NEXMIF: variants seen among roughly 807,000 people sequenced by gnomAD.
NEXMIF encodes the protein neurite extension and migration factor, also known as XLMR protein related to neurite extension.
Under a neutral mutation model 62.1 loss-of-function variants are expected in NEXMIF, and 8 were observed. The observed-to-expected ratio is 0.13, with a 90% CI of 0.08 to 0.23. The LOEUF (loss-of-function observed/expected upper bound fraction) is 0.23. NEXMIF is among the 10% of genes least tolerant of loss of function. The pLI, the probability that NEXMIF is intolerant of heterozygous loss-of-function variation, is 1.00. For synonymous variants in NEXMIF, 404 were observed against 416.6 expected (o/e 0.97, Z 0.37); for missense variants, 976 against 1,113.3 (o/e 0.88, Z 1.75).
chrX:74,832,757 A>C, intron 1 of NEXMIF, among the ~76,000 whole-genome samples: 1 of 111,346 alleles, frequency 9.0e-6, no homozygotes, highest in East Asian at 2.8e-4. Flanking sequence ...ACTTATAGCT[A>C]TAAGCTTCCC....
intron 1 of NEXMIF, among the ~76,000 whole-genome samples, chrX:74,869,127 T>G (rs1308068505): frequency 1.8e-5 from 2 of 111,772 alleles, no homozygotes. Context: ...GATCATTTAT[T>G]ATAACTGAGA....
chrX:74,837,416 A>T (rs1176969175), intron 1 of NEXMIF, among the ~76,000 whole-genome samples: 1 of 111,627 alleles, frequency 9.0e-6, no homozygotes, highest in African/African-American at 3.3e-5. Context: ...AAACATAAGG[A>T]CTGTCTTTCT....
chrX:74,766,999 G>A lies in NEXMIF; in HGVS notation c.-47-21302C>T, dbSNP rs577628202. On this transcript the variant is annotated intron_variant, in intron 1 of 3. Transcript: ENST00000055682. ...CATGGAGAACAGACTTTTCCATGAG[G>A]TGGGTTCTCTGTGCTAGGGGTCCAG... Among the ~76,000 whole-genome samples, 88 of 112,284 alleles carry A rather than the reference G, an allele frequency of 7.8e-4. No individual in the cohort carries two copies. The South Asian group carries it at 0.032, about 40-fold the overall frequency.
rs945590855 is a variant in NEXMIF, at chrX:74,847,636, A to T, written c.-48+77247T>A. 5.2e-4 allele frequency among the ~76,000 whole-genome samples: 58 copies of T among 111,789 alleles called. No homozygotes were observed. The Admixed American group carries it at 5.2e-3, about 10-fold the overall frequency. On this transcript the variant is annotated intron_variant, in intron 1 of 3. Coordinates refer to ENST00000055682, the MANE Select transcript of NEXMIF (RefSeq NM_001008537.3). ...TTCATATGTAACTACTGATTTTTTAAAGCAAATATTTATTACTTTGTAATC... is the reference window on the plus strand; with the variant it reads ...TTCATATGTAACTACTGATTTTTTATAGCAAATATTTATTACTTTGTAATC...
rs905938488 is a variant in NEXMIF at position 74,888,630 on chromosome X, G to A, written c.-48+36253C>T. 2.7e-5 allele frequency among the ~76,000 whole-genome samples: 3 copies of A among 110,610 alleles called. No individual in the cohort carries two copies. The South Asian group carries it at 1.2e-3, about 43-fold the overall frequency. On this transcript the variant is annotated intron_variant, in intron 1 of 3. Coordinates refer to ENST00000055682, the MANE Select transcript of NEXMIF (RefSeq NM_001008537.3). Reference sequence around the variant, plus strand: ...TGGGTGCAGCAAACCATCATGGCACGTGTATACCTATGTAACAAACCTGCA... The same window carrying A: ...TGGGTGCAGCAAACCATCATGGCACATGTATACCTATGTAACAAACCTGCA...
At position 74,740,283 on chromosome X, in the gene NEXMIF, G is replaced by T. The variant is rs1311150025; in HGVS notation, c.4274C>A (p.Thr1425Asn). 2.5e-6 allele frequency: 3 copies of T among 1,211,133 alleles called. No homozygotes were observed. In the Admixed American group the frequency reaches 6.5e-5, roughly 26 times the overall value. ...GTTACTATACTTTTTATCAAAGAAG[G>T]TAGAGCGAGAGTCCTCGTTATAACC... is the stretch of plus-strand genomic sequence containing the variant. ...MPGYNEDSRS[T>N]FFDKKYSNMS... The change falls in exon 3 of 4, where the codon ACC (threonine) becomes AAC (asparagine). Residue 1425 changes from threonine to asparagine, a missense_variant. Thr to Asn is a moderately conservative substitution (Grantham distance 65, BLOSUM62 0). Transcript: ENST00000055682.
chrX:74,831,736 A>C (rs1356930514), intron 1 of NEXMIF, among the ~76,000 whole-genome samples: 1 of 111,945 alleles, frequency 8.9e-6, no homozygotes, highest in Non-Finnish European at 1.9e-5. Flanking sequence ...CATTCATTAT[A>C]ATACTAGCTG....
In NEXMIF at chrX:74,735,234, C is replaced by G. The variant is rs1325012930; in HGVS notation, c.*4171G>C. 1 of 111,562 alleles carries G rather than the reference C, an allele frequency of 9.0e-6. No homozygotes were observed. Among genetic ancestry groups the G allele is most frequent in the Non-Finnish European group, 1.9e-5 (1 of 53,092 alleles). 9.2% of individuals were successfully genotyped at this position (111,562 alleles called of 1,213,427 possible). A position where few individuals can be genotyped will look rare whatever the true frequency, so the allele number is the denominator to read the frequency against. On this transcript the variant is annotated 3_prime_UTR_variant, in exon 4 of 4. Coordinates refer to ENST00000055682, the MANE Select transcript of NEXMIF (RefSeq NM_001008537.3). ...ATAATAAAGGAGAAAATAAACATTT[C>G]TATTTCTAGCAATAGTTAGGACTAG...
intron 1 of NEXMIF, among the ~76,000 whole-genome samples, chrX:74,790,727 T>C (rs1420634995): frequency 7.0e-5 from 8 of 113,615 alleles, no homozygotes; most frequent in African/African-American, 2.5e-4. Flanking sequence ...TATTTTATTC[T>C]CTTTGAAGCA....
chrX:74,897,759 T>C (rs759916801), intron 1 of NEXMIF, among the ~76,000 whole-genome samples: 64 of 111,308 alleles, frequency 5.7e-4, no homozygotes, highest in Non-Finnish European at 1.1e-3. Flanking sequence ...AAGTTTTTCA[T>C]GGCAGAAGGC....
At chrX:74,796,154 CATATATATT>C (rs1187970512) in intron 1 of NEXMIF, among the ~76,000 whole-genome samples, 3 of 43,839 alleles carry the variant, frequency 6.8e-5, no homozygotes, top group Non-Finnish European at 9.0e-5. Flanking sequence ...TATATATATA[CATATATATT>C]ATATATATTA....
chrX:74,854,146 T>A (rs1275660623), intron 1 of NEXMIF, among the ~76,000 whole-genome samples: 1 of 111,498 alleles, frequency 9.0e-6, no homozygotes, highest in Non-Finnish European at 1.9e-5. Context: ...CAGGCCAATA[T>A]CCCTGATGAA....
In NEXMIF at chrX:74,925,287, T is replaced by G. The variant is rs1482608753; in HGVS notation, c.-452A>C. 8.1e-6 allele frequency: 1 copy of G among 122,869 alleles called. No individual in the cohort carries two copies. Among genetic ancestry groups the G allele is most frequent in the Non-Finnish European group, 1.7e-5 (1 of 59,547 alleles). The allele number at this position is 122,869 out of a possible 1,213,427, so 10.1% of individuals were successfully genotyped here. A position where few individuals can be genotyped will look rare whatever the true frequency, so the allele number is the denominator to read the frequency against. Reference sequence around the variant, plus strand: ...CGCTCGGCGCCTGGAGCCCGCTCTGTGCGGTGGCTGCGGCCGTCCGCGAGA... The same window carrying G: ...CGCTCGGCGCCTGGAGCCCGCTCTGGGCGGTGGCTGCGGCCGTCCGCGAGA... On this transcript the variant is annotated 5_prime_UTR_variant, in exon 1 of 4. Coordinates refer to ENST00000055682, the MANE Select transcript of NEXMIF (RefSeq NM_001008537.3).
intron 1 of NEXMIF, among the ~76,000 whole-genome samples, chrX:74,796,206 A>AT (rs2080308781): frequency 1.5e-5 from 1 of 65,412 alleles, no homozygotes; most frequent in South Asian, 6.0e-4. Flanking sequence ...ATATACATAT[A>AT]TATTATATAT....
At chrX:74,888,520 C>T (rs1235676016) in intron 1 of NEXMIF, among the ~76,000 whole-genome samples, 1 of 109,024 alleles carries the variant, frequency 9.2e-6, no homozygotes, top group African/African-American at 3.3e-5. Flanking sequence ...GGGAGGGGAA[C>T]ATCACACACC....
At chrX:74,793,620 A>G (rs1282580770) in intron 1 of NEXMIF, among the ~76,000 whole-genome samples, 1 of 109,528 alleles carries the variant, frequency 9.1e-6, no homozygotes, top group East Asian at 2.9e-4. Flanking sequence ...CACCAATCAG[A>G]CGTAGATTTG....
At chrX:74,868,001 A>G (rs961867339) in intron 1 of NEXMIF, among the ~76,000 whole-genome samples, 9 of 112,238 alleles carry the variant, frequency 8.0e-5, no homozygotes, top group Admixed American at 6.6e-4. Context: ...GAAGACACTC[A>G]CATGGCCAAG....
intron 1 of NEXMIF, among the ~76,000 whole-genome samples, chrX:74,876,406 T>A (rs2080633712): frequency 9.0e-6 from 1 of 111,702 alleles, no homozygotes; most frequent in African/African-American, 3.3e-5. Flanking sequence ...CTGCTTTGCT[T>A]CCAAGTATAT....
At chrX:74,854,094 T>C (rs955007684) in intron 1 of NEXMIF, among the ~76,000 whole-genome samples, 1 of 111,836 alleles carries the variant, frequency 8.9e-6, no homozygotes, top group African/African-American at 3.3e-5. Flanking sequence ...ACCATTGCCC[T>C]AATACCAAAA....
Sources: allele counts gnomAD v4.1 joint callset (sites outside exome capture counted in the v4.1 genomes callset), GRCh38; gene constraint gnomAD v4.1.1; transcripts MANE v1.5; gene names NCBI Gene and HGNC (gene_info 2026-07-23, HGNC 2026-07-21).